RGS22: variants seen among roughly 807,000 people sequenced by gnomAD.
RGS22 encodes the protein regulator of G-protein signaling 22.
In RGS22, 148 loss-of-function variants were observed where a neutral mutation model predicts 172.9. The ratio of observed to expected loss-of-function variants is 0.86; its 90% CI spans 0.75 to 0.98. The LOEUF (loss-of-function observed/expected upper bound fraction) is 0.98, where lower values mean the gene tolerates loss of function less well. Ranked by LOEUF, RGS22 falls within the 50% of genes least tolerant of loss-of-function variation. The pLI, the probability that RGS22 is intolerant of heterozygous loss-of-function variation, is 0.00. For missense variants in RGS22, 1,347 were observed against 1,440.8 expected (o/e 0.93, Z 1.05); for synonymous variants, 458 against 480.2 (o/e 0.95, Z 0.60).
At chr8:99,983,960 T>C (rs1812810683) in intron 21 of RGS22, among the ~76,000 whole-genome samples, 2 of 152,158 alleles carry the variant, frequency 1.3e-5, no homozygotes, top group South Asian at 4.1e-4. Flanking sequence ...CAATTAGCAC[T>C]TCATACTCAA....
chr8:99,962,608 A>C (rs1013109330), intron 26 of RGS22, 79 bp downstream of exon 26: 5 of 1,464,864 alleles, frequency 3.4e-6, no homozygotes, highest in Admixed American at 1.9e-5. Flanking sequence ...CTCCCTGTAC[A>C]TTCTGAATGG....
At position 100,105,946 on chromosome 8, in the gene RGS22, A is replaced by G. The variant is rs1413882361; in HGVS notation, c.-25T>C. ...TGCCGTCCCCGCTGCCCGCGCCTGG[A>G]GCCCGCGCGGGCCGTCAGGGCCCTA... On this transcript the variant is annotated 5_prime_UTR_variant, in exon 1 of 28. Transcript: ENST00000360863. 4 of 1,458,776 alleles carry G rather than the reference A, an allele frequency of 2.7e-6. No individual in the cohort carries two copies. Among genetic ancestry groups the G allele is most frequent in the Non-Finnish European group, 3.6e-6 (4 of 1,109,576 alleles). 90.4% of individuals were successfully genotyped at this position (1,458,776 alleles called of 1,614,324 possible).
rs1305487438 is a variant in RGS22, at chr8:100,024,305, C to T, written c.2166+14626G>A. 7.9e-5 allele frequency among the ~76,000 whole-genome samples: 12 copies of T among 152,084 alleles called. 1 individual carries two copies. In the East Asian group the frequency reaches 2.3e-3, roughly 29 times the overall value. On this transcript the variant is annotated intron_variant, in intron 14 of 27. Transcript: ENST00000360863. ...GACAGAATGTTGATCATTGCTGAAG[C>T]TTAGTGAAGGTATATGGGGGCTCAT... is the stretch of plus-strand genomic sequence containing the variant.
In RGS22 at chr8:99,977,967, T is replaced by G. The variant is rs202204085; in HGVS notation, c.3469A>C (p.Asn1157His). ...ACTGCCAATTTTTTTTTCTGCTTAT[T>G]ATATTCTTGTCTTCTCTCTAAAACA... ...MSVLERRQEY[N>H]KQKKKLAVLE... The change falls in exon 23 of 28, where the codon AAT becomes CAT. Residue 1157 changes from asparagine to histidine, a missense_variant. Coordinates refer to ENST00000360863, the MANE Select transcript of RGS22 (RefSeq NM_015668.5). 1.8e-4 allele frequency: 289 copies of G among 1,566,146 alleles called. No homozygotes were observed. Among genetic ancestry groups the G allele is most frequent in the Non-Finnish European group, 2.3e-4 (267 of 1,164,094 alleles).
rs778431926 is a variant in RGS22, at chr8:99,999,288, G to C, written c.2923C>G (p.Gln975Glu). 6 of 1,613,602 alleles carry C rather than the reference G, an allele frequency of 3.7e-6. No homozygotes were observed. The South Asian group carries it at 5.5e-5, about 15-fold the overall frequency. The change falls in exon 19 of 28, where the codon CAG (glutamine) becomes GAG (glutamate). Residue 975 changes from glutamine (Q) to glutamate (E), a missense_variant. Physicochemically the swap from Gln to Glu is conservative, Grantham distance 29 (BLOSUM62 2). Transcript: ENST00000360863. The part of the protein sequence containing the change: ...VWLPLFLASE[Q>E]FAARQKIKVQ... ...TTTATCTTCTGACGTGCTGCAAACT[G>C]TTCACTTGCAAGAAACAATGGCAGC...
At chr8:100,039,140 AT>A (rs984908214) in intron 13 of RGS22, 108 bp from the exon 14 acceptor site, 1 of 492,568 alleles carries the variant, frequency 2.0e-6, no homozygotes, top group Non-Finnish European at 3.5e-6. Context: ...GTTACCATAA[AT>A]CAGGTTCAAT....
Position 100,039,051 on chromosome 8 carries a change from C to A in RGS22, c.2065-19G>T, listed in dbSNP as rs756605854. ...TCCACAACTACAGATGGAAAAAGTA[C>A]ATAAATTATTACCACCCAATTATTA... is the stretch of plus-strand genomic sequence containing the variant. On this transcript the variant is annotated intron_variant, in intron 13 of 27. Coordinates refer to ENST00000360863, the MANE Select transcript of RGS22 (RefSeq NM_015668.5). The A allele has an allele frequency of 1.4e-6, 2 of 1,414,830 alleles. No individual in the cohort carries two copies. The highest frequency in any genetic ancestry group is 4.6e-5 in the East Asian group (2 of 43,292). 87.6% of individuals were successfully genotyped at this position (1,414,830 alleles called of 1,614,324 possible). A position where few individuals can be genotyped will look rare whatever the true frequency, so the allele number is the denominator to read the frequency against.
chr8:100,047,718 C>A, intron 10 of RGS22, 122 bp from the exon 11 acceptor site: 1 of 816,468 alleles, frequency 1.2e-6, no homozygotes, highest in Non-Finnish European at 1.7e-6. Flanking sequence ...TCCTACAATG[C>A]TTCCCAATAA....
chr8:100,057,180 C>T (rs1809707377), intron 9 of RGS22, among the ~76,000 whole-genome samples: 1 of 152,166 alleles, frequency 6.6e-6, no homozygotes, highest in South Asian at 2.1e-4. Flanking sequence ...TCGTTTTGGC[C>T]AATTTTTCCC....
chr8:100,039,378 CTT>C (rs56745564), intron 13 of RGS22, among the ~76,000 whole-genome samples: 604 of 123,380 alleles, frequency 4.9e-3, no homozygotes, highest in Admixed American at 8.7e-3. Flanking sequence ...CAGTTAAATA[CTT>C]TTTTTTTTTT....
intron 14 of RGS22, among the ~76,000 whole-genome samples, chr8:100,030,576 G>GA (rs980275943): frequency 8.6e-5 from 13 of 152,046 alleles, no homozygotes; most frequent in Non-Finnish European, 1.0e-4. Context: ...GTAAACATGA[G>GA]AAAAAACATC....
intron 3 of RGS22, among the ~76,000 whole-genome samples, chr8:100,089,521 T>C (rs991189905): frequency 6.6e-6 from 1 of 152,106 alleles, no homozygotes; most frequent in Non-Finnish European, 1.5e-5. Context: ...CAAACTTCTT[T>C]CAACCCTTCA....
intron 3 of RGS22, among the ~76,000 whole-genome samples, chr8:100,086,656 C>T (rs1196431191): frequency 2.6e-5 from 4 of 151,886 alleles, no homozygotes; most frequent in East Asian, 1.9e-4. Flanking sequence ...CTCAGCATGA[C>T]GCAATATACC....
At chr8:100,068,015 G>C (rs923234176) in intron 6 of RGS22, among the ~76,000 whole-genome samples, 2 of 152,100 alleles carry the variant, frequency 1.3e-5, no homozygotes, top group African/African-American at 4.8e-5. Flanking sequence ...TAATCCCTAT[G>C]TATAATCATG....
chr8:100,016,978 CTTTTTTTTTTTTTTTTTTTTTTT>C (rs71274949), intron 14 of RGS22, among the ~76,000 whole-genome samples: 7 of 36,110 alleles, frequency 1.9e-4, no homozygotes, highest in Non-Finnish European at 3.9e-4. Context: ...CCTTACCAGT[CTTTTTTTTTTTTTTTTTTTTTTT>C]TTTTTTTTTT....
Position 100,003,897 on chromosome 8 carries a change from A to G in RGS22, c.2627+29T>C, listed in dbSNP as rs1588952607. ...AATAGTAGCTTAGAAAAATGTTTTC[A>G]GTGAGAAATATATGGTTATGTCCCT... is the stretch of plus-strand genomic sequence containing the variant. On this transcript the variant is annotated intron_variant, in intron 17 of 27. Coordinates refer to ENST00000360863, the MANE Select transcript of RGS22 (RefSeq NM_015668.5). The G allele has an allele frequency of 2.0e-6, 3 of 1,486,198 alleles. No individual in the cohort carries two copies. In the East Asian group the frequency reaches 7.2e-5, roughly 36 times the overall value. The allele number at this position is 1,486,198 out of a possible 1,614,324, so 92.1% of individuals were successfully genotyped here.
chr8:100,033,782 C>A (rs1237750130), intron 14 of RGS22, among the ~76,000 whole-genome samples: 1 of 152,164 alleles, frequency 6.6e-6, no homozygotes, highest in Non-Finnish European at 1.5e-5. Context: ...GTTGGCTTTT[C>A]ATCCATGGCA....
chr8:100,062,815 TGTAGTTGAATATTCAG>T, intron 8 of RGS22, 63 bp from the exon 9 acceptor site: 2 of 1,266,668 alleles, frequency 1.6e-6, no homozygotes, highest in South Asian at 1.3e-5. Context: ...ACTACCAAAA[TGTAGTTGAATATTCAG>T]GAGAATAAAC....
intron 23 of RGS22, among the ~76,000 whole-genome samples, chr8:99,971,597 G>A (rs1178329996): frequency 6.6e-6 from 1 of 152,074 alleles, no homozygotes; most frequent in Non-Finnish European, 1.5e-5. Context: ...CAAACAGAGA[G>A]CCAAATCATG....
Sources: gnomAD v4.1 joint callset for allele counts (sites outside exome capture counted in the v4.1 genomes callset) on GRCh38, gnomAD v4.1.1 for gene constraint, MANE v1.5 for transcripts, NCBI Gene and HGNC (gene_info 2026-07-23, HGNC 2026-07-21) for gene names.